ATP2B2: variants seen among roughly 807,000 people sequenced by gnomAD.
ATP2B2 encodes ATPase plasma membrane Ca2+ transporting 2, also known as plasma membrane calcium-transporting ATPase 2.
Under a neutral mutation model 120.0 loss-of-function variants are expected in ATP2B2, and 15 were observed. The observed-to-expected ratio is 0.12, with a 90% CI of 0.08 to 0.19. The LOEUF is 0.19. ATP2B2 is among the 10% of genes least tolerant of loss of function. The probability of loss-of-function intolerance (pLI) is 1.00; values close to 1 mark genes in which losing one functional copy is unlikely to be tolerated. For synonymous variants in ATP2B2, 694 were observed against 700.3 expected (o/e 0.99, Z 0.14); for missense variants, 1,045 against 1,719.8 (o/e 0.61, Z 6.94).
intron 1 of ATP2B2, among the ~76,000 whole-genome samples, chr3:10,479,473 A>G (rs7644936): frequency 0.054 from 8,197 of 151,912 alleles, 734 homozygotes; most frequent in African/African-American, 0.19. Context: ...TGATTTACTT[A>G]CGAAATCACA....
chr3:10,555,237 T>C (rs2067753616), intron 2 of ATP2B2, among the ~76,000 whole-genome samples: 1 of 152,274 alleles, frequency 6.6e-6, no homozygotes, highest in African/African-American at 2.4e-5. Flanking sequence ...GGCCCTGCTC[T>C]GTGTTTCACA....
At chr3:10,613,305 C>T (rs1212349120) in intron 2 of ATP2B2, among the ~76,000 whole-genome samples, 1 of 152,142 alleles carries the variant, frequency 6.6e-6, no homozygotes, top group Non-Finnish European at 1.5e-5. Flanking sequence ...AAGTGGTAAT[C>T]ATAAAAGCGG....
At chr3:10,406,205 T>C (rs13433910) in intron 3 of ATP2B2, among the ~76,000 whole-genome samples, 22,839 of 152,180 alleles carry the variant, frequency 0.15, 4,542 homozygotes, top group African/African-American at 0.46. Flanking sequence ...CTCACTCCTG[T>C]TCATCAGGGG....
intron 2 of ATP2B2, among the ~76,000 whole-genome samples, chr3:10,427,653 G>A (rs2063185688): frequency 6.6e-6 from 1 of 152,208 alleles, no homozygotes; most frequent in Non-Finnish European, 1.5e-5. Flanking sequence ...GACACAGTCT[G>A]GGATGGTGAA....
intron 1 of ATP2B2, among the ~76,000 whole-genome samples, chr3:10,689,997 C>T (rs1053221995): frequency 1.3e-5 from 2 of 152,194 alleles, no homozygotes; most frequent in Non-Finnish European, 2.9e-5. Context: ...GTGCCAGTGC[C>T]TGCCAATCCA....
chr3:10,579,909 T>C (rs1180997987), intron 2 of ATP2B2, among the ~76,000 whole-genome samples: 1 of 152,224 alleles, frequency 6.6e-6, no homozygotes, highest in Non-Finnish European at 1.5e-5. Flanking sequence ...TCCATGAATG[T>C]AGCACAAGTG....
chr3:10,471,668 G>T (rs1418915043), intron 1 of ATP2B2, among the ~76,000 whole-genome samples: 1 of 152,126 alleles, frequency 6.6e-6, no homozygotes, highest in East Asian at 1.9e-4. Context: ...GATAGGCAAG[G>T]AAGGTGACGA....
rs537238996 is a variant in ATP2B2, at chr3:10,574,931, G to C, written c.-414-40798C>G. On this transcript the variant is annotated intron_variant, in intron 2 of 21. Transcript: ENST00000646379. Reference sequence around the variant, plus strand: ...GTCTGTCCCTTGCAGGGAGTGTGGTGGGAACAGCCATTCACAAAGGGCTGG... The same window carrying C: ...GTCTGTCCCTTGCAGGGAGTGTGGTCGGAACAGCCATTCACAAAGGGCTGG... 3.6e-4 allele frequency among the ~76,000 whole-genome samples: 55 copies of C among 152,208 alleles called. No individual in the cohort carries two copies. The East Asian group carries it at 0.011, about 29-fold the overall frequency.
intron 1 of ATP2B2, among the ~76,000 whole-genome samples, chr3:10,665,287 C>T (rs2070898898): frequency 6.6e-6 from 1 of 152,142 alleles, no homozygotes; most frequent in Non-Finnish European, 1.5e-5. Context: ...ACAGGCTGAG[C>T]TCTCTGTCTC....
chr3:10,513,385 T>C (rs2066813192), intron 3 of ATP2B2, among the ~76,000 whole-genome samples: 1 of 152,066 alleles, frequency 6.6e-6, no homozygotes, highest in Non-Finnish European at 1.5e-5. Context: ...GGGGAAAGTG[T>C]GGGCAAGGGA....
intron 2 of ATP2B2, among the ~76,000 whole-genome samples, chr3:10,559,976 T>G (rs1319035772): frequency 1.3e-5 from 2 of 152,216 alleles, no homozygotes; most frequent in Non-Finnish European, 1.5e-5. Flanking sequence ...GCTCCGATTT[T>G]AAGGAGCTGC....
chr3:10,685,058 T>C (rs2071484515), intron 1 of ATP2B2, among the ~76,000 whole-genome samples: 1 of 152,166 alleles, frequency 6.6e-6, no homozygotes, highest in Non-Finnish European at 1.5e-5. Context: ...ACAGACTCTC[T>C]AAATCCAGGC....
chr3:10,683,067 A>T lies in ATP2B2; in HGVS notation c.-460+24848T>A, dbSNP rs887320518. Among the ~76,000 whole-genome samples the T allele has an allele frequency of 3.3e-5, 5 of 152,042 alleles. No individual in the cohort carries two copies. In the South Asian group the frequency reaches 1.0e-3, roughly 32 times the overall value. On this transcript the variant is annotated intron_variant, in intron 1 of 21. Coordinates refer to the ATP2B2 transcript ENST00000646379. ...ATGCAAATGGCCACTGAGTCTTTGT[A>T]TGTGTACTTCACCTCCATTATCTCA...
chr3:10,617,331 C>T (rs1405972270), intron 2 of ATP2B2, among the ~76,000 whole-genome samples: 1 of 152,100 alleles, frequency 6.6e-6, no homozygotes, highest in Non-Finnish European at 1.5e-5. Context: ...AAAAGATTCC[C>T]AGGGTTTCTG....
chr3:10,554,444 A>G (rs545165909), intron 2 of ATP2B2, among the ~76,000 whole-genome samples: 4 of 152,222 alleles, frequency 2.6e-5, no homozygotes, highest in Non-Finnish European at 5.9e-5. Context: ...ACCCTGGATG[A>G]TCTGGGTGGG....
intron 1 of ATP2B2, among the ~76,000 whole-genome samples, chr3:10,666,555 A>G (rs1167542329): frequency 2.0e-5 from 3 of 152,232 alleles, no homozygotes; most frequent in Non-Finnish European, 1.5e-5. Flanking sequence ...CAGCTCTCAC[A>G]GGTGCAAGTC....
intron 10 of ATP2B2, 116 bp downstream of exon 10, chr3:10,378,136 C>T: frequency 7.2e-7 from 1 of 1,385,508 alleles, no homozygotes; most frequent in Non-Finnish European, 9.6e-7. Flanking sequence ...GGGCTTCAGG[C>T]ACTCATTCAA....
Position 10,695,925 on chromosome 3 carries a change from C to A in ATP2B2, c.-460+11990G>T, listed in dbSNP as rs541475876. Reference sequence around the variant, plus strand: ...AAGACAGATCTGAAAAAGTCTCTGGCAAAGTCAGTCTCAGATGTCTTGGTT... The same window carrying A: ...AAGACAGATCTGAAAAAGTCTCTGGAAAAGTCAGTCTCAGATGTCTTGGTT... On this transcript the variant is annotated intron_variant, in intron 1 of 21. Coordinates refer to the ATP2B2 transcript ENST00000646379. Among the ~76,000 whole-genome samples the A allele has an allele frequency of 3.3e-5, 5 of 152,330 alleles. No individual in the cohort carries two copies. In the East Asian group the frequency reaches 7.7e-4, roughly 24 times the overall value.
At chr3:10,456,580 C>T (rs1409772511) in intron 1 of ATP2B2, among the ~76,000 whole-genome samples, 1 of 152,214 alleles carries the variant, frequency 6.6e-6, no homozygotes, top group Non-Finnish European at 1.5e-5. Context: ...TGGTGACTCT[C>T]CTATGAAAAT....
Sources: gnomAD v4.1 joint callset for allele counts (sites outside exome capture counted in the v4.1 genomes callset) on GRCh38, gnomAD v4.1.1 for gene constraint, MANE v1.5 for transcripts, NCBI Gene and HGNC (gene_info 2026-07-23, HGNC 2026-07-21) for gene names.